Variants in STARD9 observed in about 807,000 individuals in gnomAD.
STARD9 encodes the protein stAR-related lipid transfer protein 9.
STARD9 carries 346 observed loss-of-function variants against 399.8 expected under a neutral mutation model. The ratio of observed to expected loss-of-function variants is 0.87; its 90% CI spans 0.79 to 0.95. STARD9 has a LOEUF of 0.95. Ranked by LOEUF, STARD9 falls within the 40% of genes least tolerant of loss-of-function variation. The pLI is 0.00. For missense variants in STARD9, 5,832 were observed against 5,667.5 expected, an observed-to-expected ratio of 1.03 and a Z score of -0.93; for synonymous variants, 2,203 against 2,143.5, an observed-to-expected ratio of 1.03 and a Z score of -0.77.
Position 42,687,698 on chromosome 15 carries a change from A to G in STARD9, c.6120A>G (p.Arg2040=). 2 of 1,537,322 alleles carry G rather than the reference A, an allele frequency of 1.3e-6. No individual in the cohort carries two copies. Among genetic ancestry groups the G allele is most frequent in the East Asian group, 4.9e-5 (2 of 40,922 alleles). ...REPSGKKQNK[R]VNNTDEMARL... The stretch of plus-strand genomic sequence containing the variant: ...CTTCTGGAAAGAAACAGAATAAAAG[A>G]GTTAATAATACTGATGAAATGGCTA... Residue 2040 remains arginine, a synonymous_variant, in exon 23 of 33, where the codon AGA becomes AGG. Coordinates refer to ENST00000290607, the MANE Select transcript of STARD9 (RefSeq NM_020759.3).
rs1486322490 is a variant in STARD9 at position 42,662,887 on chromosome 15, C to T, written c.864C>T (p.Thr288=). 1.3e-6 allele frequency: 2 copies of T among 1,533,292 alleles called. No individual in the cohort carries two copies. Among genetic ancestry groups the T allele is most frequent in the African/African-American group, 1.4e-5 (1 of 73,070 alleles). The allele number at this position is 1,533,292 out of a possible 1,614,324, so 95.0% of individuals were successfully genotyped here. A position where few individuals can be genotyped will look rare whatever the true frequency, so the allele number is the denominator to read the frequency against. Residue 288 remains threonine (T), a synonymous_variant, in exon 11 of 33, where the codon ACC becomes ACT. Transcript: ENST00000290607. The part of the protein sequence containing the change: ...SLVTLGIVIS[T]LAQNSQVFSS... ...TGACTCTAGGAATTGTCATCTCCAC[C>T]TTAGGTATTTTCTGATAGATAATGG... is the stretch of plus-strand genomic sequence containing the variant.
chr15:42,587,709 G>A (rs954690730), intron 3 of STARD9, among the ~76,000 whole-genome samples: 4 of 152,164 alleles, frequency 2.6e-5, no homozygotes, highest in Admixed American at 6.5e-5. Flanking sequence ...GGGATTACAG[G>A]CATGTGCCAC....
intron 3 of STARD9, among the ~76,000 whole-genome samples, chr15:42,589,282 G>C (rs1298538385): frequency 6.6e-6 from 1 of 152,012 alleles, no homozygotes; most frequent in African/African-American, 2.4e-5. Flanking sequence ...GAGCTCCTGG[G>C]CTCAAGTGAT....
rs2060601673 is a variant in STARD9, at chr15:42,687,937, C to T, written c.6359C>T (p.Thr2120Ile). Residue 2120 changes from threonine (T) to isoleucine (I), a missense_variant, in exon 23 of 33, where the codon ACA becomes ATA. By Grantham distance (89) the Thr-to-Ile change is moderately conservative. Around this residue, in one of 2 missense-constraint regions of STARD9, gnomAD observed 5,828 missense variants for 5,651.1 expected, o/e 1.03. Coordinates refer to ENST00000290607, the MANE Select transcript of STARD9 (RefSeq NM_020759.3). ...SKDQPSSPRQ[T>I]DDTVFRDSEA... ...GATCAGCCATCTTCTCCAAGACAGA[C>T]AGATGATACTGTCTTTAGGGATAGT... The T allele has an allele frequency of 2.0e-6, 3 of 1,537,300 alleles. No homozygotes were observed. Among genetic ancestry groups the T allele is most frequent in the African/African-American group, 1.4e-5 (1 of 73,154 alleles).
At chr15:42,629,080 C>T (rs971155715) in intron 3 of STARD9, among the ~76,000 whole-genome samples, 1 of 151,998 alleles carries the variant, frequency 6.6e-6, no homozygotes. Flanking sequence ...AGTGCAGGGA[C>T]GTGATCATTG....
rs1452188333 is a variant in STARD9, at chr15:42,716,729, GA to G, written c.13338del (p.Gly4447AlafsTer5). On this transcript the variant is annotated frameshift_variant, in exon 27 of 33. Transcript: ENST00000290607. LOFTEE classifies it high-confidence loss of function. Reference protein sequence around the residue: ...SRDVWIGDERGGHSAVRKNSA... With the variant: ...SRDVWIGDERXGHSAVRKNSA... Reference sequence around the variant, plus strand: ...GATGTATGGATAGGGGATGAGCGAGGAGGCCATTCTGCAGTGAGGAAGAACT... The same window carrying G: ...GATGTATGGATAGGGGATGAGCGAGGGGCCATTCTGCAGTGAGGAAGAACT... 2.6e-6 allele frequency: 4 copies of G among 1,537,044 alleles called. No individual in the cohort carries two copies. The highest frequency in any genetic ancestry group is 3.5e-6 in the Non-Finnish European group (4 of 1,146,834).
At chr15:42,715,385 T>A (rs1462001535) in intron 26 of STARD9, among the ~76,000 whole-genome samples, 1 of 151,870 alleles carries the variant, frequency 6.6e-6, no homozygotes, top group Non-Finnish European at 1.5e-5. Flanking sequence ...AGGAGGGTTT[T>A]AAAGATGAGA....
chr15:42,610,097 A>G (rs1281948246), intron 3 of STARD9, among the ~76,000 whole-genome samples: 3 of 152,142 alleles, frequency 2.0e-5, no homozygotes, highest in Non-Finnish European at 2.9e-5. Context: ...TATCTCCAAG[A>G]AATAAAATAA....
At chr15:42,581,099 CT>C in intron 1 of STARD9, 1 of 680,020 alleles carries the variant, frequency 1.5e-6, no homozygotes, top group Non-Finnish European at 2.8e-6. Context: ...AGTGTTGCTG[CT>C]TTTCTTCTAA....
At chr15:42,652,423 A>C (rs532281361) in intron 8 of STARD9, 97 bp from the exon 9 acceptor site, 14 of 993,422 alleles carry the variant, frequency 1.4e-5, no homozygotes, top group East Asian at 1.3e-4. Flanking sequence ...TTGTCGGTGA[A>C]CCTCAGCACT....
intron 3 of STARD9, among the ~76,000 whole-genome samples, chr15:42,601,837 T>C (rs534260620): frequency 6.6e-6 from 1 of 152,252 alleles, no homozygotes; most frequent in East Asian, 1.9e-4. Context: ...CTAGAGCCTA[T>C]TTTACTTTAT....
chr15:42,649,191 G>A (rs544010780), intron 7 of STARD9, among the ~76,000 whole-genome samples: 57 of 152,082 alleles, frequency 3.7e-4, no homozygotes, highest in African/African-American at 1.2e-3. Context: ...CACCACAGCC[G>A]GCTGATTTTT....
intron 15 of STARD9, among the ~76,000 whole-genome samples, chr15:42,668,592 A>G (rs1238232589): frequency 6.6e-6 from 1 of 152,140 alleles, no homozygotes; most frequent in African/African-American, 2.4e-5. Flanking sequence ...TTCTACTGTT[A>G]TTATTGTTTT....
intron 3 of STARD9, among the ~76,000 whole-genome samples, chr15:42,626,417 C>T (rs1031710310): frequency 3.4e-5 from 5 of 145,454 alleles, no homozygotes; most frequent in Non-Finnish European, 7.4e-5. Flanking sequence ...CTTCCTCCTC[C>T]TCCTCCTCTT....
intron 9 of STARD9, among the ~76,000 whole-genome samples, chr15:42,655,550 C>T (rs1455940025): frequency 2.6e-5 from 4 of 152,178 alleles, no homozygotes; most frequent in Non-Finnish European, 5.9e-5. Flanking sequence ...GAGAATGACA[C>T]TGGATCCTCA....
chr15:42,692,973 T>C lies in STARD9; in HGVS notation c.11395T>C (p.Tyr3799His), dbSNP rs2060749757. ...ETAQKMAQLL[Y>H]LQEESTPYKP... ...AGCACAGAAAATGGCTCAGCTCCTC[T>C]ATCTTCAGGAAGAAAGCACTCCCTA... The change falls in exon 23 of 33, where the codon TAT becomes CAT. Residue 3799 changes from tyrosine to histidine, a missense_variant. Transcript: ENST00000290607. 1.3e-6 allele frequency: 2 copies of C among 1,537,082 alleles called. No homozygotes were observed. The highest frequency in any genetic ancestry group is 2.4e-5 in the South Asian group (2 of 84,058).
In STARD9 at chr15:42,663,901, A is replaced by G; in HGVS notation, c.1160A>G (p.Lys387Arg). ...YASSAKNIIN[K>R]PRVNEDANLK... Reference sequence around the variant, plus strand: ...TCCAGTGCCAAAAACATTATCAACAAGCCACGAGTAAATGAGGTGAGACCT... The same window carrying G: ...TCCAGTGCCAAAAACATTATCAACAGGCCACGAGTAAATGAGGTGAGACCT... Residue 387 changes from lysine (K) to arginine (R), a missense_variant, in exon 13 of 33, where the codon AAG becomes AGG. By Grantham distance (26) the Lys-to-Arg change is conservative. This residue lies in a region of STARD9 where 5,828 missense variants were observed against 5,651.1 expected (regional missense o/e 1.03). Coordinates refer to ENST00000290607, the MANE Select transcript of STARD9 (RefSeq NM_020759.3). 4 of 1,535,644 alleles carry G rather than the reference A, an allele frequency of 2.6e-6. No individual in the cohort carries two copies. The highest frequency in any genetic ancestry group is 3.5e-6 in the Non-Finnish European group (4 of 1,145,450).
chr15:42,576,408 C>A (rs2058056869), intron 1 of STARD9, among the ~76,000 whole-genome samples: 1 of 152,158 alleles, frequency 6.6e-6, no homozygotes, highest in Non-Finnish European at 1.5e-5. Flanking sequence ...ATCCAGTGTG[C>A]AGCCACGAAC....
At position 42,685,509 on chromosome 15, in the gene STARD9, G is replaced by C; in HGVS notation, c.3931G>C (p.Glu1311Gln). ...TTGTGAGCAGGCTGAATCACAGGTAGAGCCAAGCTACTCTGAACAAGCCGA... is the reference window on the plus strand; with the variant it reads ...TTGTGAGCAGGCTGAATCACAGGTACAGCCAAGCTACTCTGAACAAGCCGA... Reference protein sequence around the residue: ...PHCEQAESQVEPSYSEQADSL... With the variant: ...PHCEQAESQVQPSYSEQADSL... Residue 1311 changes from glutamate to glutamine, a missense_variant, in exon 23 of 33, where the codon GAG becomes CAG. Physicochemically the swap from Glu to Gln is conservative, Grantham distance 29 (BLOSUM62 2). This residue lies in a region of STARD9 where 5,828 missense variants were observed against 5,651.1 expected (regional missense o/e 1.03). Coordinates refer to ENST00000290607, the MANE Select transcript of STARD9 (RefSeq NM_020759.3). 1 of 1,536,828 alleles carries C rather than the reference G, an allele frequency of 6.5e-7. No individual in the cohort carries two copies. The highest frequency in any genetic ancestry group is 8.7e-7 in the Non-Finnish European group (1 of 1,146,690).
Sources: gnomAD v4.1 joint callset for allele counts (sites outside exome capture counted in the v4.1 genomes callset) on GRCh38, gnomAD v4.1.1 for gene constraint, gnomAD v4.1.1 regional missense constraint, MANE v1.5 for transcripts, NCBI Gene and HGNC (gene_info 2026-07-23, HGNC 2026-07-21) for gene names.